The following COL5A2 variants were observed in gnomAD, a reference collection of about 807,000 sequenced individuals.
COL5A2 encodes collagen type V alpha 2 chain, also known as collagen alpha-2(V) chain.
COL5A2 carries 23 observed loss-of-function variants against 208.2 expected under a neutral mutation model. The ratio of observed to expected loss-of-function variants is 0.11; its 90% CI spans 0.08 to 0.16. The LOEUF is 0.16. Among genes scored for constraint, COL5A2 ranks in the 10% least tolerant of loss-of-function variants. The pLI, the probability that COL5A2 is intolerant of heterozygous loss-of-function variation, is 1.00. For missense variants in COL5A2, 1,590 were observed against 1,956.4 expected, an observed-to-expected ratio of 0.81 and a Z score of 3.53; for synonymous variants, 625 against 628.5, an observed-to-expected ratio of 0.99 and a Z score of 0.08.
At chr2:189,400,760 A>G in the COL5A2 span, among the ~76,000 whole-genome samples, 1 of 152,220 alleles carries the variant, frequency 6.6e-6, no homozygotes, top group Admixed American at 6.5e-5. Flanking sequence ...TCCTTTTGCA[A>G]ATGTTCTGAG....
chr2:189,136,527 T>C (rs1687829992), intron 1 of COL5A2, among the ~76,000 whole-genome samples: 1 of 150,180 alleles, frequency 6.7e-6, no homozygotes, highest in Non-Finnish European at 1.5e-5. Flanking sequence ...TATATATGTA[T>C]ATAAAAATAT....
At chr2:189,067,975 G>C (rs1331516092) in intron 21 of COL5A2, 40 bp downstream of exon 21, 1 of 1,504,188 alleles carries the variant, frequency 6.6e-7, no homozygotes, top group Non-Finnish European at 9.3e-7. Flanking sequence ...CTCGTAGTTA[G>C]ATTACACTAA....
At chr2:189,283,465 T>C in the COL5A2 span, among the ~76,000 whole-genome samples, 2 of 151,906 alleles carry the variant, frequency 1.3e-5, no homozygotes, top group African/African-American at 2.4e-5. Context: ...CAAATACTAA[T>C]TGAACAATTC....
At chr2:189,380,111 C>A in the COL5A2 span, among the ~76,000 whole-genome samples, 1 of 151,674 alleles carries the variant, frequency 6.6e-6, no homozygotes, top group Non-Finnish European at 1.5e-5. Context: ...GTGAATTTTG[C>A]TTGTGGGCAA....
intron 1 of COL5A2, among the ~76,000 whole-genome samples, chr2:189,214,173 A>C (rs566219360): frequency 6.6e-6 from 1 of 152,268 alleles, no homozygotes; most frequent in Middle Eastern, 3.4e-3. Flanking sequence ...ATATTCATCT[A>C]TTCAGCAATT....
At chr2:189,383,692 T>A in the COL5A2 span, among the ~76,000 whole-genome samples, 2 of 152,166 alleles carry the variant, frequency 1.3e-5, no homozygotes, top group Non-Finnish European at 2.9e-5. Flanking sequence ...GCATACAATG[T>A]GTAATGATCA....
chr2:189,045,849 G>C lies in COL5A2; in HGVS notation c.3260C>G (p.Thr1087Ser), dbSNP rs1235942758. 2.5e-6 allele frequency: 4 copies of C among 1,614,186 alleles called. No individual in the cohort carries two copies. The Middle Eastern group carries it at 6.6e-4, about 266-fold the overall frequency. Reference sequence around the variant, plus strand: ...TCCTGGAGCACCCACAGGGCCAGGAGTTCCAGGGGCACCCTGAGAGCCTGG... The same window carrying C: ...TCCTGGAGCACCCACAGGGCCAGGACTTCCAGGGGCACCCTGAGAGCCTGG... ...GLPGSQGAPGTPGPVGAPGDA... is the reference protein window; with the variant it reads ...GLPGSQGAPGSPGPVGAPGDA... The change falls in exon 46 of 54, where the codon ACT becomes AGT. Residue 1087 changes from threonine (T) to serine (S), a missense_variant. Physicochemically the swap from Thr to Ser is moderately conservative, Grantham distance 58. Coordinates refer to ENST00000374866, the MANE Select transcript of COL5A2 (RefSeq NM_000393.5).
At position 189,102,640 on chromosome 2, in the gene COL5A2, A is replaced by G. The variant is rs184753624; in HGVS notation, c.336+1624T>C. On this transcript the variant is annotated intron_variant, in intron 3 of 53. Coordinates refer to ENST00000374866, the MANE Select transcript of COL5A2 (RefSeq NM_000393.5). ...ATACCATGTGGACATGCTTTGTAGA[A>G]TGTCATTACCATGGAAGCAGTTATA... Among the ~76,000 whole-genome samples, 270 of 152,202 alleles carry G rather than the reference A, an allele frequency of 1.8e-3. 2 individuals carry two copies. The highest frequency in any genetic ancestry group is 6.3e-3 in the African/African-American group (262 of 41,558).
chr2:189,121,736 CAA>C (rs3084490), intron 1 of COL5A2, among the ~76,000 whole-genome samples: 2,476 of 77,624 alleles, frequency 0.032, 32 homozygotes, highest in African/African-American at 0.12. Flanking sequence ...GACTCCGTCT[CAA>C]AAAAAAAAAA....
intron 7 of COL5A2, 48 bp downstream of exon 7, chr2:189,092,262 A>T (rs1044062601): frequency 6.1e-6 from 7 of 1,152,314 alleles, no homozygotes; most frequent in Non-Finnish European, 7.7e-6. Flanking sequence ...TATATCAATA[A>T]TTTAAAACAT....
At chr2:189,195,224 A>G (rs756769340) in intron 1 of COL5A2, among the ~76,000 whole-genome samples, 6 of 152,206 alleles carry the variant, frequency 3.9e-5, no homozygotes, top group African/African-American at 7.2e-5. Context: ...CAATTGCTAC[A>G]AACAATAAAA....
the COL5A2 span, among the ~76,000 whole-genome samples, chr2:189,291,726 G>A: frequency 1.3e-5 from 2 of 151,102 alleles, no homozygotes; most frequent in African/African-American, 4.9e-5. Context: ...TTTATATCTG[G>A]GTAAAATTTT....
the COL5A2 span, among the ~76,000 whole-genome samples, chr2:189,236,001 A>G: frequency 1.2e-4 from 18 of 150,178 alleles, no homozygotes; most frequent in Non-Finnish European, 1.8e-4. Context: ...CCATCCCCCA[A>G]TAAAAAAAAA....
At chr2:189,156,239 G>A (rs1688244249) in intron 1 of COL5A2, among the ~76,000 whole-genome samples, 1 of 152,048 alleles carries the variant, frequency 6.6e-6, no homozygotes, top group Non-Finnish European at 1.5e-5. Context: ...TTCACACCCT[G>A]CAGTAGAATT....
At chr2:189,153,515 A>G (rs1490911142) in intron 1 of COL5A2, among the ~76,000 whole-genome samples, 1 of 152,214 alleles carries the variant, frequency 6.6e-6, no homozygotes, top group Non-Finnish European at 1.5e-5. Flanking sequence ...AGCCAGGAAG[A>G]GTTTTCCCAA....
chr2:189,053,867 T>C (rs1322529728), intron 37 of COL5A2, 28 bp downstream of exon 37: 1 of 1,595,800 alleles, frequency 6.3e-7, no homozygotes. Context: ...AATCTCACAC[T>C]AAAGAACACC....
At chr2:189,420,074 G>A in the COL5A2 span, among the ~76,000 whole-genome samples, 2 of 134,122 alleles carry the variant, frequency 1.5e-5, no homozygotes, top group Admixed American at 7.5e-5. Flanking sequence ...GGAAGGGAGG[G>A]AGGGAGGGAG....
intron 1 of COL5A2, among the ~76,000 whole-genome samples, chr2:189,214,733 C>G (rs137994520): frequency 6.6e-6 from 1 of 152,264 alleles, no homozygotes; most frequent in Non-Finnish European, 1.5e-5. Context: ...AACCTTGTAG[C>G]TTGACTAACC....
rs1687016155 is a variant in COL5A2, at chr2:189,100,033, G to A, written c.369+74C>T. On this transcript the variant is annotated intron_variant, in intron 4 of 53. Coordinates refer to ENST00000374866, the MANE Select transcript of COL5A2 (RefSeq NM_000393.5). ...TTTATTTTTGAAAGTATGTACATAA[G>A]CAATAATATACAATTATACTATAAG... is the stretch of plus-strand genomic sequence containing the variant. 5.7e-6 allele frequency: 7 copies of A among 1,238,258 alleles called. No individual in the cohort carries two copies. In the Admixed American group the frequency reaches 7.0e-5, roughly 12 times the overall value. 76.7% of individuals were successfully genotyped at this position (1,238,258 alleles called of 1,614,324 possible).
Sources: allele counts gnomAD v4.1 joint callset (sites outside exome capture counted in the v4.1 genomes callset), GRCh38; gene constraint gnomAD v4.1.1; transcripts MANE v1.5; gene names NCBI Gene and HGNC (gene_info 2026-07-23, HGNC 2026-07-21).